The following CNTN4 variants were observed in gnomAD, a reference collection of about 807,000 sequenced individuals.
CNTN4 encodes contactin-4.
A neutral mutation model predicts 122.5 loss-of-function variants in CNTN4; 77 were observed. That is an observed-to-expected ratio of 0.63 (90% CI 0.52 to 0.76). CNTN4 has a LOEUF of 0.76. Ranked by LOEUF, CNTN4 falls within the 30% of genes least tolerant of loss-of-function variation. The pLI is 0.00. For synonymous variants in CNTN4, 512 were observed against 447.0 expected (o/e 1.15, Z -1.83); for missense variants, 1,256 against 1,259.1 (o/e 1.00, Z 0.04).
intron 14 of CNTN4, among the ~76,000 whole-genome samples, chr3:2,992,515 A>G (rs1449993363): frequency 6.6e-6 from 1 of 152,164 alleles, no homozygotes; most frequent in Non-Finnish European, 1.5e-5. Context: ...GTTTATCTCT[A>G]CAGCAGAGTT....
At chr3:2,294,655 T>G (rs921826158) in intron 2 of CNTN4, among the ~76,000 whole-genome samples, 5 of 152,072 alleles carry the variant, frequency 3.3e-5, no homozygotes, top group African/African-American at 1.2e-4. Flanking sequence ...CAAAAAAGAA[T>G]AGGCTGTCTC....
chr3:2,945,531 T>TC (rs1465456021), intron 13 of CNTN4, among the ~76,000 whole-genome samples: 2 of 152,070 alleles, frequency 1.3e-5, no homozygotes, highest in East Asian at 3.9e-4. Flanking sequence ...TCTGGGCACC[T>TC]CCCCCTCTCA....
intron 8 of CNTN4, among the ~76,000 whole-genome samples, chr3:2,881,325 C>T (rs917778143): frequency 6.6e-6 from 1 of 152,020 alleles, no homozygotes; most frequent in African/African-American, 2.4e-5. Flanking sequence ...CGAGCCTGGC[C>T]AACATAGTGA....
At chr3:2,923,404 G>A (rs2151349022) in intron 12 of CNTN4, among the ~76,000 whole-genome samples, 1 of 152,024 alleles carries the variant, frequency 6.6e-6, no homozygotes, top group South Asian at 2.1e-4. Context: ...AGCTTATATG[G>A]GATTGGTAAG....
intron 2 of CNTN4, among the ~76,000 whole-genome samples, chr3:2,290,944 G>A (rs1166905469): frequency 1.3e-5 from 2 of 152,138 alleles, no homozygotes; most frequent in African/African-American, 4.8e-5. Flanking sequence ...AAAATGACAT[G>A]TGAAAGCCTT....
chr3:2,316,928 T>G (rs1455793571), intron 2 of CNTN4, among the ~76,000 whole-genome samples: 1 of 152,158 alleles, frequency 6.6e-6, no homozygotes, highest in Non-Finnish European at 1.5e-5. Context: ...AAGTTGACAG[T>G]GATCCCATAT....
chr3:2,435,104 A>C (rs1030817769), intron 3 of CNTN4, among the ~76,000 whole-genome samples: 4 of 152,206 alleles, frequency 2.6e-5, no homozygotes, highest in African/African-American at 9.6e-5. Context: ...TTAATACTAA[A>C]GTGAATATCC....
chr3:2,737,027 G>T (rs2089161771), intron 5 of CNTN4, among the ~76,000 whole-genome samples: 1 of 151,918 alleles, frequency 6.6e-6, no homozygotes, highest in Admixed American at 6.6e-5. Context: ...CAAGAGATCT[G>T]CTAGCCTGAG....
chr3:3,037,095 G>A (rs1290898766), intron 17 of CNTN4, 84 bp from the exon 18 acceptor site: 5 of 1,449,410 alleles, frequency 3.4e-6, no homozygotes, highest in Non-Finnish European at 4.8e-6. Context: ...GAGGATGGAT[G>A]GATGTTCCTA....
At chr3:2,220,107 C>G (rs560721754) in intron 2 of CNTN4, among the ~76,000 whole-genome samples, 1 of 152,146 alleles carries the variant, frequency 6.6e-6, no homozygotes, top group Non-Finnish European at 1.5e-5. Flanking sequence ...TACTGTTCCT[C>G]TCTTGTCATG....
intron 10 of CNTN4, among the ~76,000 whole-genome samples, chr3:2,896,201 T>C (rs2094113220): frequency 6.6e-6 from 1 of 152,108 alleles, no homozygotes; most frequent in Admixed American, 6.5e-5. Flanking sequence ...CAGCAAAGTA[T>C]GTGTATGTTT....
chr3:2,112,583 A>T (rs1489096317), intron 2 of CNTN4, among the ~76,000 whole-genome samples: 1 of 152,096 alleles, frequency 6.6e-6, no homozygotes, highest in African/African-American at 2.4e-5. Context: ...ATGTTTCTCT[A>T]TTTCATCTTT....
At chr3:2,295,672 T>C (rs2042285500) in intron 2 of CNTN4, among the ~76,000 whole-genome samples, 1 of 152,198 alleles carries the variant, frequency 6.6e-6, no homozygotes, top group African/African-American at 2.4e-5. Context: ...TGCAGAGGTC[T>C]TTAGTTTAAT....
chr3:2,270,649 A>G (rs1246239129), intron 2 of CNTN4, among the ~76,000 whole-genome samples: 2 of 140,514 alleles, frequency 1.4e-5, no homozygotes, highest in East Asian at 2.0e-4. Flanking sequence ...AGGAGGGGGG[A>G]AAATATTGTT....
At chr3:2,798,481 G>A (rs1334110849) in intron 6 of CNTN4, among the ~76,000 whole-genome samples, 1 of 151,558 alleles carries the variant, frequency 6.6e-6, no homozygotes, top group Non-Finnish European at 1.5e-5. Context: ...ATTGTGAATA[G>A]GGCTGCTATA....
chr3:2,374,788 T>TAC (rs1391946593), intron 3 of CNTN4, among the ~76,000 whole-genome samples: 1 of 152,158 alleles, frequency 6.6e-6, no homozygotes, highest in Admixed American at 6.5e-5. Flanking sequence ...TATACATGAA[T>TAC]GTTTAAATTT....
At chr3:3,037,504 G>C (rs371458919) in intron 18 of CNTN4, 176 bp downstream of exon 18, 1 of 823,910 alleles carries the variant, frequency 1.2e-6, no homozygotes, top group African/African-American at 1.7e-5. Flanking sequence ...AACACGCAAC[G>C]GGTTTCAATC....
chr3:2,688,376 C>T (rs555304137), intron 4 of CNTN4, among the ~76,000 whole-genome samples: 6 of 152,288 alleles, frequency 3.9e-5, no homozygotes, highest in South Asian at 2.1e-4. Flanking sequence ...GTGAAAGGTA[C>T]GAGTCATGCC....
chr3:2,372,819 G>T (rs1399310435), intron 3 of CNTN4, among the ~76,000 whole-genome samples: 1 of 152,280 alleles, frequency 6.6e-6, no homozygotes, highest in Non-Finnish European at 1.5e-5. Context: ...GGGAGGCTGA[G>T]GTGGGCGGAT....
Sources: allele counts gnomAD v4.1 joint callset (sites outside exome capture counted in the v4.1 genomes callset), GRCh38; gene constraint gnomAD v4.1.1; transcripts MANE v1.5; gene names NCBI Gene and HGNC (gene_info 2026-07-23, HGNC 2026-07-21).